KCNN2: variants seen among roughly 807,000 people sequenced by gnomAD.
The protein encoded by KCNN2 is small conductance calcium-activated potassium channel protein 2.
In KCNN2, 24 loss-of-function variants were observed where a neutral mutation model predicts 55.5. That is an observed-to-expected ratio of 0.43 (90% CI 0.31 to 0.61). The LOEUF is 0.61. Among genes scored for constraint, KCNN2 ranks in the 20% least tolerant of loss-of-function variants. The probability of loss-of-function intolerance (pLI) is 0.08; values close to 1 mark genes in which losing one functional copy is unlikely to be tolerated. For missense variants in KCNN2, 754 were observed against 853.6 expected (o/e 0.88, Z 1.45); for synonymous variants, 431 against 336.1 (o/e 1.28, Z -3.09).
intron 2 of KCNN2, among the ~76,000 whole-genome samples, chr5:114,296,029 C>G (rs991509177): frequency 1.5e-4 from 23 of 152,002 alleles, no homozygotes; most frequent in African/African-American, 5.3e-4. Context: ...TTGGTATTAA[C>G]AAAAATAAAG....
At chr5:114,240,521 T>G (rs926370439) in intron 2 of KCNN2, among the ~76,000 whole-genome samples, 1 of 151,920 alleles carries the variant, frequency 6.6e-6, no homozygotes, top group Admixed American at 6.6e-5. Flanking sequence ...ACCTCCACTT[T>G]CCCAGTTTCA....
At chr5:114,249,443 C>T (rs1051404174) in intron 2 of KCNN2, among the ~76,000 whole-genome samples, 3 of 151,688 alleles carry the variant, frequency 2.0e-5, no homozygotes, top group African/African-American at 7.3e-5. Context: ...CGTGCCACTA[C>T]ACCCAGCTAA....
At chr5:114,195,390 G>A (rs1019439381) in intron 1 of KCNN2, among the ~76,000 whole-genome samples, 1 of 151,866 alleles carries the variant, frequency 6.6e-6, no homozygotes, top group Non-Finnish European at 1.5e-5. Flanking sequence ...TTTTAAGGCT[G>A]TGTCTTAAAC....
intron 1 of KCNN2, among the ~76,000 whole-genome samples, chr5:114,091,308 T>G (rs1751139388): frequency 6.6e-6 from 1 of 152,168 alleles, no homozygotes; most frequent in Non-Finnish European, 1.5e-5. Flanking sequence ...CCTTGGCACT[T>G]TCCTACTGAA....
chr5:114,278,772 C>T (rs985178454), intron 2 of KCNN2, among the ~76,000 whole-genome samples: 4 of 152,320 alleles, frequency 2.6e-5, no homozygotes, highest in Admixed American at 6.5e-5. Flanking sequence ...GGTACAGTCA[C>T]TCACAGCTTC....
chr5:114,192,580 T>A (rs951563833), intron 1 of KCNN2, among the ~76,000 whole-genome samples: 1 of 152,128 alleles, frequency 6.6e-6, no homozygotes, highest in Admixed American at 6.6e-5. Flanking sequence ...TAAGACCTTA[T>A]GCTTCTGAGA....
chr5:114,258,247 G>A (rs1444154533), intron 2 of KCNN2, among the ~76,000 whole-genome samples: 2 of 152,124 alleles, frequency 1.3e-5, no homozygotes, highest in Non-Finnish European at 2.9e-5. Flanking sequence ...AGGTTTGCTA[G>A]CATTTTGTTG....
rs1752997959 is a variant in KCNN2, at chr5:114,169,926, C to G, written c.-270-51554C>G. On this transcript the variant is annotated intron_variant, in intron 1 of 10. Coordinates refer to the KCNN2 transcript ENST00000512097. ...TGAAATAGGAATATAATTTAGGCCC[C>G]CTTCTTATTATCCAGCACCTTAGTG... is the stretch of plus-strand genomic sequence containing the variant. 2.6e-5 allele frequency among the ~76,000 whole-genome samples: 4 copies of G among 151,990 alleles called. No individual in the cohort carries two copies. The South Asian group carries it at 8.3e-4, about 31-fold the overall frequency.
chr5:114,092,771 A>G (rs1751171300), intron 1 of KCNN2, among the ~76,000 whole-genome samples: 2 of 152,164 alleles, frequency 1.3e-5, no homozygotes. Flanking sequence ...CTCTGAAGCA[A>G]TGGCCTGAGC....
At chr5:114,489,356 C>A (rs1281305625) in intron 6 of KCNN2, among the ~76,000 whole-genome samples, 1 of 152,088 alleles carries the variant, frequency 6.6e-6, no homozygotes, top group African/African-American at 2.4e-5. Context: ...TGCAAATGCA[C>A]CCTACAAGGC....
chr5:114,461,237 C>T (rs1761174791), intron 3 of KCNN2, among the ~76,000 whole-genome samples: 1 of 152,130 alleles, frequency 6.6e-6, no homozygotes, highest in Admixed American at 6.5e-5. Flanking sequence ...AGGGGAAATG[C>T]ACTCAGCTGC....
At chr5:114,207,585 A>T (rs1398284372) in intron 1 of KCNN2, among the ~76,000 whole-genome samples, 2 of 152,038 alleles carry the variant, frequency 1.3e-5, no homozygotes, top group East Asian at 1.9e-4. Flanking sequence ...TGGGCAAATT[A>T]TTGTCTTCCA....
At chr5:114,296,190 T>G (rs1278464801) in intron 2 of KCNN2, among the ~76,000 whole-genome samples, 1 of 152,186 alleles carries the variant, frequency 6.6e-6, no homozygotes, top group Non-Finnish European at 1.5e-5. Flanking sequence ...GATAAATAAA[T>G]AGTTTTTCTA....
At chr5:114,284,592 A>C (rs1264490235) in intron 2 of KCNN2, among the ~76,000 whole-genome samples, 2 of 152,086 alleles carry the variant, frequency 1.3e-5, no homozygotes, top group Non-Finnish European at 2.9e-5. Flanking sequence ...GTCTTGGCTC[A>C]CTGCAATCTT....
At chr5:114,232,266 A>G (rs926855890) in intron 2 of KCNN2, among the ~76,000 whole-genome samples, 1 of 151,174 alleles carries the variant, frequency 6.6e-6, no homozygotes, top group Non-Finnish European at 1.5e-5. Flanking sequence ...ACAGGTCATG[A>G]GTCCTATTTA....
chr5:114,425,585 G>A (rs1000059658), intron 3 of KCNN2, among the ~76,000 whole-genome samples: 11 of 152,064 alleles, frequency 7.2e-5, no homozygotes, highest in African/African-American at 2.2e-4. Flanking sequence ...CACCTGCTCT[G>A]CCTGGACCCA....
intron 1 of KCNN2, among the ~76,000 whole-genome samples, chr5:114,132,856 C>T (rs550723468): frequency 2.0e-5 from 3 of 152,226 alleles, no homozygotes; most frequent in Non-Finnish European, 2.9e-5. Flanking sequence ...CATGATTATA[C>T]GAATCAAACA....
chr5:114,149,553 T>A (rs555745754), intron 1 of KCNN2, among the ~76,000 whole-genome samples: 1 of 151,850 alleles, frequency 6.6e-6, no homozygotes, highest in East Asian at 1.9e-4. Context: ...AGGGCGGGGG[T>A]AGGTTAGTGA....
chr5:114,146,827 T>C (rs4537051), intron 1 of KCNN2, among the ~76,000 whole-genome samples: 127,351 of 152,100 alleles, frequency 0.84, 53,922 homozygotes, highest in East Asian at 0.94. Context: ...ATATCAACTT[T>C]ATGATTACCA....
Sources: gnomAD v4.1 joint callset for allele counts (sites outside exome capture counted in the v4.1 genomes callset) on GRCh38, gnomAD v4.1.1 for gene constraint, MANE v1.5 for transcripts, NCBI Gene and HGNC (gene_info 2026-07-23, HGNC 2026-07-21) for gene names.